The following ARHGAP24 variants were observed in gnomAD, a reference collection of about 807,000 sequenced individuals.
ARHGAP24 encodes rho GTPase-activating protein 24.
In ARHGAP24, 50 loss-of-function variants were observed where a neutral mutation model predicts 76.4. The observed-to-expected ratio is 0.65, with a 90% CI of 0.52 to 0.83. The LOEUF is 0.83. Among genes scored for constraint, ARHGAP24 ranks in the 40% least tolerant of loss-of-function variants. The pLI, the probability that ARHGAP24 is intolerant of heterozygous loss-of-function variation, is 0.00. For synonymous variants in ARHGAP24, 345 were observed against 323.3 expected (o/e 1.07, Z -0.72); for missense variants, 930 against 914.2 (o/e 1.02, Z -0.22).
chr4:85,697,892 G>A (rs189274657), intron 2 of ARHGAP24, among the ~76,000 whole-genome samples: 91 of 152,138 alleles, frequency 6.0e-4, no homozygotes, highest in Non-Finnish European at 1.1e-3. Context: ...TAAAGTTAGG[G>A]GCACCCAATT....
At chr4:85,669,763 T>G (rs2110000760) in intron 2 of ARHGAP24, among the ~76,000 whole-genome samples, 1 of 149,172 alleles carries the variant, frequency 6.7e-6, no homozygotes, top group Non-Finnish European at 1.5e-5. Context: ...ATATATTTAG[T>G]GGAATGAACT....
At chr4:85,997,052 C>A (rs1017705559) in intron 9 of ARHGAP24, among the ~76,000 whole-genome samples, 3 of 152,090 alleles carry the variant, frequency 2.0e-5, no homozygotes, top group Non-Finnish European at 2.9e-5. Flanking sequence ...TCTTAATGGG[C>A]CATTTCAGTG....
intron 5 of ARHGAP24, among the ~76,000 whole-genome samples, chr4:85,970,529 T>C (rs958627571): frequency 6.6e-6 from 1 of 152,022 alleles, no homozygotes; most frequent in Non-Finnish European, 1.5e-5. Flanking sequence ...TAATACCCAT[T>C]AGGAGTAGAT....
chr4:85,878,512 TA>T (rs199897214), intron 3 of ARHGAP24, among the ~76,000 whole-genome samples: 2 of 152,130 alleles, frequency 1.3e-5, no homozygotes, highest in Non-Finnish European at 2.9e-5. Flanking sequence ...CCCCTGTTGA[TA>T]AAAAATAATA....
chr4:85,929,411 A>C (rs918931856), intron 4 of ARHGAP24, among the ~76,000 whole-genome samples: 3 of 152,210 alleles, frequency 2.0e-5, no homozygotes, highest in African/African-American at 7.2e-5. Flanking sequence ...CTGGGAAGGA[A>C]CACAGAGGCC....
intron 2 of ARHGAP24, among the ~76,000 whole-genome samples, chr4:85,657,543 A>G (rs1482203228): frequency 6.6e-6 from 1 of 152,166 alleles, no homozygotes; most frequent in Non-Finnish European, 1.5e-5. Context: ...TTCTAAAGGA[A>G]TAGAGAGGGA....
intron 3 of ARHGAP24, among the ~76,000 whole-genome samples, chr4:85,793,820 C>T (rs2110097484): frequency 6.6e-6 from 1 of 152,246 alleles, no homozygotes; most frequent in East Asian, 1.9e-4. Flanking sequence ...AGAAGCAGTG[C>T]CTTCTTTTTG....
intron 3 of ARHGAP24, among the ~76,000 whole-genome samples, chr4:85,815,238 T>C (rs1401809254): frequency 1.3e-5 from 2 of 152,204 alleles, no homozygotes; most frequent in African/African-American, 4.8e-5. Context: ...CCCATTTTTT[T>C]TGGAAATAAC....
chr4:85,615,193 C>G (rs548679417), intron 2 of ARHGAP24, among the ~76,000 whole-genome samples: 3 of 151,944 alleles, frequency 2.0e-5, no homozygotes, highest in Non-Finnish European at 4.4e-5. Flanking sequence ...GTTGAACACA[C>G]AAGATTTTGT....
intron 5 of ARHGAP24, among the ~76,000 whole-genome samples, chr4:85,970,507 C>T (rs1276906519): frequency 6.6e-6 from 1 of 152,010 alleles, no homozygotes; most frequent in African/African-American, 2.4e-5. Context: ...GGTCCTAGCC[C>T]AGGGGTTTCT....
intron 2 of ARHGAP24, among the ~76,000 whole-genome samples, chr4:85,666,165 G>T (rs1235495589): frequency 1.3e-5 from 2 of 152,208 alleles, no homozygotes; most frequent in Admixed American, 6.5e-5. Flanking sequence ...ATCAGATGTA[G>T]ATTTGGTCTT....
chr4:85,943,288 TG>T (rs1356405535), intron 5 of ARHGAP24, among the ~76,000 whole-genome samples: 1 of 152,126 alleles, frequency 6.6e-6, no homozygotes, highest in Non-Finnish European at 1.5e-5. Flanking sequence ...ATATCATAAA[TG>T]GAGTGATTTA....
intron 3 of ARHGAP24, among the ~76,000 whole-genome samples, chr4:85,769,029 T>G (rs940547814): frequency 1.6e-4 from 24 of 152,176 alleles, no homozygotes; most frequent in Admixed American, 1.6e-3. Context: ...ATCTTTTTAT[T>G]GCTTAATGGT....
intron 5 of ARHGAP24, among the ~76,000 whole-genome samples, chr4:85,953,119 A>G (rs1226165248): frequency 1.3e-5 from 2 of 152,172 alleles, no homozygotes; most frequent in East Asian, 3.9e-4. Flanking sequence ...GGGCAACAGA[A>G]TACGCTCTTA....
chr4:85,548,158 C>T (rs1725991517), intron 1 of ARHGAP24, among the ~76,000 whole-genome samples: 1 of 152,136 alleles, frequency 6.6e-6, no homozygotes, highest in Admixed American at 6.5e-5. Context: ...TGATACCTCC[C>T]CATCATTCTT....
chr4:85,799,167 T>C (rs1560639201), intron 3 of ARHGAP24, among the ~76,000 whole-genome samples: 1 of 152,136 alleles, frequency 6.6e-6, no homozygotes, highest in East Asian at 1.9e-4. Flanking sequence ...CCAGTAACAG[T>C]GAGCACACTT....
In ARHGAP24 at chr4:85,995,230, C is replaced by T. The variant is rs1261496672; in HGVS notation, c.1576C>T (p.His526Tyr). ...QKEQAGELGQ[H>Y]NRLSTYDNVH... Reference sequence around the variant, plus strand: ...AGAACAAGCTGGAGAGTTAGGCCAGCACAACAGACTGTCCACCTATGATAA... The same window carrying T: ...AGAACAAGCTGGAGAGTTAGGCCAGTACAACAGACTGTCCACCTATGATAA... Residue 526 changes from histidine to tyrosine, a missense_variant, in exon 9 of 10, where the codon CAC becomes TAC. Transcript: ENST00000395184. 4 of 1,613,994 alleles carry T rather than the reference C, an allele frequency of 2.5e-6. No homozygotes were observed. Among genetic ancestry groups the T allele is most frequent in the South Asian group, 2.2e-5 (2 of 91,074 alleles).
At chr4:85,879,603 A>G (rs1233822951) in intron 3 of ARHGAP24, among the ~76,000 whole-genome samples, 1 of 152,092 alleles carries the variant, frequency 6.6e-6, no homozygotes, top group Non-Finnish European at 1.5e-5. Context: ...ATAATTTGTT[A>G]AGACAGCAAG....
At chr4:85,922,064 T>C (rs141570676) in intron 3 of ARHGAP24, among the ~76,000 whole-genome samples, 1 of 152,296 alleles carries the variant, frequency 6.6e-6, no homozygotes, top group East Asian at 1.9e-4. Flanking sequence ...TGCTGTAATA[T>C]AAGGAGGCTA....
Sources: allele counts gnomAD v4.1 joint callset (sites outside exome capture counted in the v4.1 genomes callset), GRCh38; gene constraint gnomAD v4.1.1; transcripts MANE v1.5; gene names NCBI Gene and HGNC (gene_info 2026-07-23, HGNC 2026-07-21).